Variants in PAGE1 observed in about 807,000 individuals in gnomAD.
PAGE1 encodes P antigen family member 1.
Under a neutral mutation model 11.5 loss-of-function variants are expected in PAGE1, and 6 were observed. The observed-to-expected ratio is 0.52, with a 90% CI of 0.29 to 1.03. The LOEUF (loss-of-function observed/expected upper bound fraction) is 1.03, where lower values mean the gene tolerates loss of function less well. Among genes scored for constraint, PAGE1 ranks in the 50% least tolerant of loss-of-function variants. The pLI is 0.09. For missense variants in PAGE1, 120 were observed against 110.2 expected, an observed-to-expected ratio of 1.09 and a Z score of -0.40; for synonymous variants, 42 against 40.2, an observed-to-expected ratio of 1.05 and a Z score of -0.17.
At chrX:49,694,663 A>G in intron 2 of PAGE1, 45 bp downstream of exon 2, 2 of 885,502 alleles carry the variant, frequency 2.3e-6, no homozygotes, top group Non-Finnish European at 3.2e-6. Context: ...CTAATAGAAA[A>G]CATCGAATTA....
At chrX:49,688,579 T>C (rs186500328) in intron 5 of PAGE1, among the ~76,000 whole-genome samples, 23 of 112,182 alleles carry the variant, frequency 2.1e-4, no homozygotes, top group African/African-American at 7.1e-4. Flanking sequence ...AAATAAATCA[T>C]GTAAAACAGA....
At chrX:49,692,058 A>T (rs782431191) in intron 3 of PAGE1, among the ~76,000 whole-genome samples, 1 of 111,121 alleles carries the variant, frequency 9.0e-6, no homozygotes, top group South Asian at 3.9e-4. Context: ...GAGGCATGAG[A>T]ATCTCTTGAG....
rs1557141521 is a variant in PAGE1 at position 49,689,562 on chromosome X, AAAAAAAAAAAAAAATATATATAT to A, written c.293-42_293-20del. 5 of 185,461 alleles carry A rather than the reference AAAAAAAAAAAAAAATATATATAT, an allele frequency of 2.7e-5. No homozygotes were observed. The African/African-American group carries it at 5.2e-4, about 19-fold the overall frequency. 15.3% of individuals were successfully genotyped at this position (185,461 alleles called of 1,213,427 possible). ...TCTGGCCCTTAAAAAAAAAAAAAAA[AAAAAAAAAAAAAAATATATATAT>A]ATATATATATATATATATATATATA... On this transcript the variant is annotated intron_variant, in intron 4 of 5. Transcript: ENST00000376150.
intron 4 of PAGE1, among the ~76,000 whole-genome samples, chrX:49,689,874 G>T (rs1602797746): frequency 1.8e-5 from 1 of 56,225 alleles, no homozygotes. Context: ...GTATATATGT[G>T]TATATACACA....
chrX:49,687,768 C>T (rs1416207979), intron 5 of PAGE1, among the ~76,000 whole-genome samples: 4 of 112,444 alleles, frequency 3.6e-5, no homozygotes, highest in Non-Finnish European at 7.5e-5. Flanking sequence ...TAATTAATTC[C>T]GTAAACATCA....
At chrX:49,689,684 G>A (rs1328897359) in intron 4 of PAGE1, 141 bp from the exon 5 acceptor site, 2 of 70,497 alleles carry the variant, frequency 2.8e-5, no homozygotes, top group Non-Finnish European at 2.3e-5. Context: ...ATATATGTGT[G>A]TATATATATA....
intron 5 of PAGE1, among the ~76,000 whole-genome samples, chrX:49,688,943 A>T (rs935808539): frequency 4.4e-4 from 49 of 112,482 alleles, no homozygotes; most frequent in African/African-American, 1.6e-3. Context: ...TCTGTATCTG[A>T]CAGTCTATAA....
intron 1 of PAGE1, among the ~76,000 whole-genome samples, chrX:49,695,615 C>T (rs1238395384): frequency 8.9e-6 from 1 of 112,344 alleles, no homozygotes; most frequent in African/African-American, 3.2e-5. Context: ...CTCATTTTCA[C>T]CTGAGCCCCT....
In PAGE1 at chrX:49,691,293, C is replaced by T; in HGVS notation, c.248G>A (p.Arg83Lys). The T allele has an allele frequency of 8.3e-7, 1 of 1,210,561 alleles. No homozygotes were observed. Among genetic ancestry groups the T allele is most frequent in the Non-Finnish European group, 1.1e-6 (1 of 894,477 alleles). ...CTGCTCTTCATTTCGCAGGCACACC[C>T]TCTTGGTATCAGGACCATCTCCAAG... Reference protein sequence around the residue: ...CELGDGPDTKRVCLRNEEQMK... With the variant: ...CELGDGPDTKKVCLRNEEQMK... Residue 83 changes from arginine to lysine, a missense_variant, in exon 4 of 6, where the codon AGG becomes AAG. Physicochemically the swap from Arg to Lys is conservative, Grantham distance 26. Coordinates refer to ENST00000376150, the MANE Select transcript of PAGE1 (RefSeq NM_003785.4).
chrX:49,688,357 G>A (rs782164948), intron 5 of PAGE1, among the ~76,000 whole-genome samples: 2 of 111,279 alleles, frequency 1.8e-5, no homozygotes, highest in East Asian at 2.8e-4. Context: ...AGCTGAAATC[G>A]CACCACAGCA....
chrX:49,691,782 ACAAAAAAGCC>A (rs1333647590), intron 3 of PAGE1, among the ~76,000 whole-genome samples: 3 of 111,820 alleles, frequency 2.7e-5, no homozygotes, highest in Non-Finnish European at 5.6e-5. Flanking sequence ...TAGAAACTAC[ACAAAAAAGCC>A]CAAAGTGCTA....
chrX:49,689,731 T>C (rs1289500787), intron 4 of PAGE1, among the ~76,000 whole-genome samples, 188 bp from the exon 5 acceptor site: 2 of 62,644 alleles, frequency 3.2e-5, no homozygotes, highest in Non-Finnish European at 5.3e-5. Context: ...TATGTATATA[T>C]ACACACATAT....
chrX:49,687,898 C>A (rs191546315), intron 5 of PAGE1, among the ~76,000 whole-genome samples: 6 of 112,857 alleles, frequency 5.3e-5, no homozygotes, highest in Non-Finnish European at 1.1e-4. Context: ...CTTTGAACTT[C>A]AAATCTTACC....
chrX:49,688,051 C>T (rs1467965369), intron 5 of PAGE1, among the ~76,000 whole-genome samples: 2 of 112,841 alleles, frequency 1.8e-5, no homozygotes, highest in Non-Finnish European at 3.7e-5. Context: ...GCATCTTACT[C>T]ACACCCATGC....
At chrX:49,694,065 C>CACAA (rs1557142539) in intron 3 of PAGE1, 34 bp downstream of exon 3, 1 of 839,638 alleles carries the variant, frequency 1.2e-6, no homozygotes, top group East Asian at 3.3e-5. Context: ...CACACACACA[C>CACAA]CCCAACAGGC....
intron 3 of PAGE1, 60 bp downstream of exon 3, chrX:49,694,021 GACACACACACACACACAC>G (rs565227923): frequency 3.2e-4 from 118 of 363,514 alleles, no homozygotes; most frequent in Admixed American, 2.8e-3. Context: ...CAATGCATGA[GACACACACACACACACAC>G]ACACACACAC....
chrX:49,694,026 A>T (rs1459951015), intron 3 of PAGE1, 73 bp downstream of exon 3: 1 of 350,086 alleles, frequency 2.9e-6, no homozygotes, highest in Non-Finnish European at 4.6e-6. Flanking sequence ...CATGAGACAC[A>T]CACACACACA....
chrX:49,688,094 A>G (rs1224742251), intron 5 of PAGE1, among the ~76,000 whole-genome samples: 1 of 113,064 alleles, frequency 8.8e-6, no homozygotes, highest in East Asian at 2.8e-4. Context: ...CACAGAAAAT[A>G]GAAACTAAAT....
intron 1 of PAGE1, among the ~76,000 whole-genome samples, chrX:49,695,630 G>A (rs181940790): frequency 4.5e-5 from 5 of 112,230 alleles, no homozygotes; most frequent in East Asian, 2.8e-4. Flanking sequence ...GCCCCTGACC[G>A]CTTCCCCTTC....
Sources: gnomAD v4.1 joint callset for allele counts (sites outside exome capture counted in the v4.1 genomes callset) on GRCh38, gnomAD v4.1.1 for gene constraint, MANE v1.5 for transcripts, NCBI Gene and HGNC (gene_info 2026-07-23, HGNC 2026-07-21) for gene names.